SECISBP2: variants seen among roughly 807,000 people sequenced by gnomAD.
The protein encoded by SECISBP2 is selenocysteine insertion sequence-binding protein 2.
A neutral mutation model predicts 98.2 loss-of-function variants in SECISBP2; 96 were observed. That is an observed-to-expected ratio of 0.98 (90% CI 0.83 to 1.16). The LOEUF is 1.16. Ranked by LOEUF, SECISBP2 falls within the 50% of genes most tolerant of loss-of-function variation. The pLI, the probability that SECISBP2 is intolerant of heterozygous loss-of-function variation, is 0.00. For synonymous variants in SECISBP2, 407 were observed against 370.2 expected, an observed-to-expected ratio of 1.10 and a Z score of -1.14; for missense variants, 1,046 against 1,022.9, an observed-to-expected ratio of 1.02 and a Z score of -0.31.
At chr9:89,353,726 A>ATTTTT (rs1392326601) in intron 14 of SECISBP2, among the ~76,000 whole-genome samples, 1 of 152,220 alleles carries the variant, frequency 6.6e-6, no homozygotes, top group Non-Finnish European at 1.5e-5. Flanking sequence ...AAAAACAAAA[A>ATTTTT]GGTGGAAATG....
intron 15 of SECISBP2, 68 bp from the exon 16 acceptor site, chr9:89,357,931 G>C: frequency 6.5e-7 from 1 of 1,546,394 alleles, no homozygotes; most frequent in Non-Finnish European, 8.9e-7. Flanking sequence ...GGTGGCCATT[G>C]CTGAGTTTGA....
At chr9:89,357,007 C>T in intron 14 of SECISBP2, 3 of 322,502 alleles carry the variant, frequency 9.3e-6, no homozygotes, top group South Asian at 5.1e-5. Context: ...GGTGGTGAGC[C>T]CTCGGGAGCC....
At chr9:89,361,731 G>A (rs1433737448), downstream of SECISBP2, 1 of 152,588 alleles carries the variant, frequency 6.6e-6, no homozygotes, top group East Asian at 1.9e-4. Flanking sequence ...TGCAGCGCTT[G>A]ATAAAATAGA....
At chr9:89,344,205 G>A (rs1353613079) in intron 10 of SECISBP2, among the ~76,000 whole-genome samples, 1 of 152,120 alleles carries the variant, frequency 6.6e-6, no homozygotes, top group Non-Finnish European at 1.5e-5. Flanking sequence ...GTAGATGTTG[G>A]CTATTAGACC....
chr9:89,357,302 A>T, intron 14 of SECISBP2, 109 bp from the exon 15 acceptor site: 8 of 1,211,868 alleles, frequency 6.6e-6, no homozygotes, highest in Non-Finnish European at 8.6e-6. Context: ...TGCCTTGGAT[A>T]TAAAATCATA....
rs142187766 is a variant in SECISBP2 at position 89,343,613 on chromosome 9, C to T, written c.1435+2134C>T. Among the ~76,000 whole-genome samples, 1,151 of 152,266 alleles carry T rather than the reference C, an allele frequency of 7.6e-3. 11 individuals are homozygous for T. The highest frequency in any genetic ancestry group is 0.021 in the African/African-American group (873 of 41,530). ...TGTGGTATTTGGTTTTCTGTTCCTG[C>T]GTTAGTTTGCTAAGGATGGCCTCCA... On this transcript the variant is annotated intron_variant, in intron 10 of 16. Coordinates refer to ENST00000375807, the MANE Select transcript of SECISBP2 (RefSeq NM_024077.5).
chr9:89,364,280 TCCCACCCCAC>T, downstream of SECISBP2: 1 of 403,944 alleles, frequency 2.5e-6, no homozygotes, highest in Non-Finnish European at 4.7e-6. Context: ...TGGAACAGCA[TCCCACCCCAC>T]CATGGCCCTG....
In SECISBP2 at chr9:89,359,163, A is replaced by C. The variant is rs1333129187; in HGVS notation, c.*339A>C. The C allele has an allele frequency of 5.8e-6, 2 of 346,226 alleles. No individual in the cohort carries two copies. 21.4% of individuals were successfully genotyped at this position (346,226 alleles called of 1,614,324 possible). ...CTTCCTCTCCATTGCAGAATAGCTG[A>C]GCCAAGTGAGTGAGTTTGCAGAAAG... On this transcript the variant is annotated 3_prime_UTR_variant, in exon 17 of 17. Coordinates refer to ENST00000375807, the MANE Select transcript of SECISBP2 (RefSeq NM_024077.5).
chr9:89,333,011 A>G (rs765912068), intron 6 of SECISBP2, 25 bp downstream of exon 6: 1 of 1,589,700 alleles, frequency 6.3e-7, no homozygotes, highest in Non-Finnish European at 8.6e-7. Context: ...AAAAATGTTA[A>G]TTTTTAAAAT....
intron 12 of SECISBP2, among the ~76,000 whole-genome samples, chr9:89,349,229 A>G (rs537282033): frequency 1.3e-5 from 2 of 152,310 alleles, no homozygotes; most frequent in South Asian, 4.1e-4. Flanking sequence ...GCATTTTGAT[A>G]GTCGGTAGAA....
chr9:89,357,544 C>G lies in SECISBP2; in HGVS notation c.2247C>G (p.Ile749Met). Reference protein sequence around the residue: ...NKAVPVSVVGIFSYDGAQDQF... With the variant: ...NKAVPVSVVGMFSYDGAQDQF... ...CAGTTCCTGTCAGTGTGGTGGGGAT[C>G]TTCAGCTATGATGGGGCCCAGGTGA... Residue 749 changes from isoleucine (I) to methionine (M), a missense_variant, in exon 15 of 17, where the codon ATC becomes ATG. Ile to Met is a conservative substitution (Grantham distance 10). Transcript: ENST00000375807. The G allele has an allele frequency of 6.2e-7, 1 of 1,613,974 alleles. No individual in the cohort carries two copies. Among genetic ancestry groups the G allele is most frequent in the Non-Finnish European group, 8.5e-7 (1 of 1,180,010 alleles).
At chr9:89,354,994 A>G (rs1272064239) in intron 14 of SECISBP2, 1 of 985,196 alleles carries the variant, frequency 1.0e-6, no homozygotes, top group Non-Finnish European at 1.2e-6. Flanking sequence ...TTTTTCTTCA[A>G]AGTTTCTATC....
In SECISBP2 at chr9:89,358,092, C is replaced by G; in HGVS notation, c.2362C>G (p.Pro788Ala). 6.2e-7 allele frequency: 1 copy of G among 1,613,808 alleles called. No homozygotes were observed. Residue 788 changes from proline to alanine, a missense_variant, in exon 16 of 17, where the codon CCC (proline) becomes GCC (alanine). By Grantham distance (27) the Pro-to-Ala change is conservative. Transcript: ENST00000375807. ...ENVQQELVGEPRPQAPPSLPT... is the reference protein window; with the variant it reads ...ENVQQELVGEARPQAPPSLPT... ...TGTGCAGCAGGAGCTGGTGGGAGAG[C>G]CCAGGCCTCAGGCACCTCCCAGCCT...
chr9:89,330,830 C>T (rs1218437111), intron 5 of SECISBP2, among the ~76,000 whole-genome samples: 1 of 152,198 alleles, frequency 6.6e-6, no homozygotes, highest in Non-Finnish European at 1.5e-5. Flanking sequence ...GTCCAGGATG[C>T]TGTGTAAGCC....
At chr9:89,332,228 GCACACACACA>G (rs140202280) in intron 5 of SECISBP2, among the ~76,000 whole-genome samples, 2 of 149,568 alleles carry the variant, frequency 1.3e-5, no homozygotes, top group African/African-American at 4.9e-5. Context: ...CCCCTTGCCT[GCACACACACA>G]CACACACACA....
chr9:89,338,024 C>T (rs1027548076), intron 7 of SECISBP2, among the ~76,000 whole-genome samples: 2 of 152,220 alleles, frequency 1.3e-5, no homozygotes, highest in Non-Finnish European at 2.9e-5. Context: ...TTTAGCAGTC[C>T]TGGGATGGTC....
intron 2 of SECISBP2, 172 bp from the exon 3 acceptor site, chr9:89,325,255 G>A (rs1826491062): frequency 6.3e-6 from 4 of 636,248 alleles, no homozygotes; most frequent in Admixed American, 5.9e-5. Flanking sequence ...TTCTTTGCAG[G>A]GTGAGAAAGA....
At chr9:89,347,962 T>G in intron 11 of SECISBP2, 117 bp from the exon 12 acceptor site, 1 of 993,788 alleles carries the variant, frequency 1.0e-6, no homozygotes, top group Non-Finnish European at 1.5e-6. Flanking sequence ...TTGGCTGCTC[T>G]CAGGGCACTA....
chr9:89,325,094 G>A (rs1826460984), intron 2 of SECISBP2: 1 of 354,884 alleles, frequency 2.8e-6, no homozygotes, highest in Non-Finnish European at 5.3e-6. Context: ...AGAGAGAATG[G>A]TCTTTAGGGG....
Sources: allele counts gnomAD v4.1 joint callset (sites outside exome capture counted in the v4.1 genomes callset), GRCh38; gene constraint gnomAD v4.1.1; transcripts MANE v1.5; gene names NCBI Gene and HGNC (gene_info 2026-07-23, HGNC 2026-07-21).